AHCTF1: variants seen among roughly 807,000 people sequenced by gnomAD.
The protein encoded by AHCTF1 is protein ELYS.
Under a neutral mutation model 248.4 loss-of-function variants are expected in AHCTF1, and 24 were observed. That is an observed-to-expected ratio of 0.10 (90% confidence interval 0.07 to 0.14). AHCTF1 has a LOEUF of 0.14. Among genes scored for constraint, AHCTF1 ranks in the 10% least tolerant of loss-of-function variants. The pLI, the probability that AHCTF1 is intolerant of heterozygous loss-of-function variation, is 1.00. For missense variants in AHCTF1, 2,206 were observed against 2,636.2 expected (o/e 0.84, Z 3.57); for synonymous variants, 786 against 929.8 (o/e 0.85, Z 2.81).
At chr1:246,929,915 G>A (rs1214044642) in intron 1 of AHCTF1, among the ~76,000 whole-genome samples, 1 of 152,174 alleles carries the variant, frequency 6.6e-6, no homozygotes, top group East Asian at 1.9e-4. Flanking sequence ...AGCCGGGTGT[G>A]GTGGCGTGCG....
At chr1:246,859,315 C>A (rs1168256408) in intron 29 of AHCTF1, among the ~76,000 whole-genome samples, 1 of 152,046 alleles carries the variant, frequency 6.6e-6, no homozygotes, top group African/African-American at 2.4e-5. Context: ...AAGAAACATA[C>A]AAATAGGTTC....
In AHCTF1 at chr1:246,905,602, C is replaced by T; in HGVS notation, c.820G>A (p.Glu274Lys). Residue 274 changes from glutamate (E) to lysine (K), a missense_variant, in exon 6 of 36, where the codon GAA (glutamate) becomes AAA (lysine). By Grantham distance (56) the Glu-to-Lys change is moderately conservative (BLOSUM62 1). Coordinates refer to ENST00000648844, the MANE Select transcript of AHCTF1 (RefSeq NM_001323342.2). ...QVPVYAVTFQ[E>K]PENDPRNCCY... ...CAATTCCGAGGATCATTCTCAGGTT[C>T]TTGAAAAGTGACAGCATATACAGGA... The T allele has an allele frequency of 6.2e-7, 1 of 1,612,736 alleles. No individual in the cohort carries two copies.
intron 31 of AHCTF1, among the ~76,000 whole-genome samples, chr1:246,854,439 T>C (rs1660956682): frequency 6.6e-6 from 1 of 151,794 alleles, no homozygotes; most frequent in Non-Finnish European, 1.5e-5. Flanking sequence ...AACCCCAAAA[T>C]GGTGATTGGC....
intron 11 of AHCTF1, among the ~76,000 whole-genome samples, chr1:246,898,621 A>AACACACACACACACAC (rs74163703): frequency 1.4e-4 from 20 of 147,090 alleles, no homozygotes; most frequent in African/African-American, 4.5e-4. Context: ...ATCTTGACAA[A>AACACACACACACACAC]ACACACACAC....
intron 32 of AHCTF1, 72 bp from the exon 33 acceptor site, chr1:246,851,514 T>C (rs1660718709): frequency 7.4e-7 from 1 of 1,348,436 alleles, no homozygotes; most frequent in East Asian, 2.5e-5. Flanking sequence ...ACACAGGTTT[T>C]TGATGACCCT....
chr1:246,855,764 G>T lies in AHCTF1; in HGVS notation c.4320C>A (p.Thr1440=), dbSNP rs138747278. 1.8e-4 allele frequency: 290 copies of T among 1,613,310 alleles called. 1 individual carries two copies. The East Asian group carries it at 5.4e-3, about 30-fold the overall frequency. The change falls in exon 31 of 36, where the codon ACC becomes ACA. Residue 1440 remains threonine (T), a synonymous_variant. Transcript: ENST00000648844. ...CATTTGCTCTAATTGCAGGGGTGTA[G>T]GTTTCAACAGATGTTAATCCTTCGT... ...VLDEGLTSVE[T]YTPAIRANDN...
At chr1:246,863,865 T>A in intron 27 of AHCTF1, 59 bp downstream of exon 27, 1 of 1,535,646 alleles carries the variant, frequency 6.5e-7, no homozygotes, top group Middle Eastern at 1.7e-4. Context: ...TTCTCCTTGC[T>A]ACTTGAAAAG....
At chr1:246,892,540 C>T (rs1647672512) in intron 14 of AHCTF1, among the ~76,000 whole-genome samples, 1 of 151,914 alleles carries the variant, frequency 6.6e-6, no homozygotes, top group Non-Finnish European at 1.5e-5. Context: ...AGGCTGGCCT[C>T]GAACTCCTGA....
At chr1:246,896,095 T>TG (rs1406630279) in intron 12 of AHCTF1, among the ~76,000 whole-genome samples, 170 bp from the exon 13 acceptor site, 1 of 152,196 alleles carries the variant, frequency 6.6e-6, no homozygotes, top group African/African-American at 2.4e-5. Flanking sequence ...GTGTTAAAAC[T>TG]GGAACTCTCA....
intron 4 of AHCTF1, 138 bp from the exon 5 acceptor site, chr1:246,907,896 CAAAA>C (rs772645512): frequency 2.8e-6 from 2 of 722,458 alleles, no homozygotes; most frequent in East Asian, 5.6e-5. Flanking sequence ...TTAGTGATAA[CAAAA>C]AAGTATGTTA....
chr1:246,931,070 G>T, intron 1 of AHCTF1: 1 of 1,538,894 alleles, frequency 6.5e-7, no homozygotes, highest in Non-Finnish European at 8.8e-7. Flanking sequence ...CCAATCGGGT[G>T]AGCTGGAACC....
intron 2 of AHCTF1, 123 bp from the exon 3 acceptor site, chr1:246,916,518 G>C: frequency 1.1e-6 from 1 of 879,528 alleles, no homozygotes; most frequent in South Asian, 1.8e-5. Flanking sequence ...TCTCCACATT[G>C]AAATCTTTTA....
chr1:246,868,884 A>G lies in AHCTF1; in HGVS notation c.3089-1073T>C, dbSNP rs548036734. Among the ~76,000 whole-genome samples the G allele has an allele frequency of 3.7e-3, 515 of 140,512 alleles. 12 individuals are homozygous for G. The highest frequency in any genetic ancestry group is 0.016 in the Admixed American group (218 of 13,404). 92.2% of individuals were successfully genotyped at this position (140,512 alleles called of 152,430 possible). ...TTTTGAGATGGAGTCTCGCTCTGTC[A>G]CCCAGGTTGGAGTGCAGTGGTGTGA... On this transcript the variant is annotated intron_variant, in intron 24 of 35. Transcript: ENST00000648844.
intron 35 of AHCTF1, among the ~76,000 whole-genome samples, chr1:246,841,273 G>A (rs1156326770): frequency 6.6e-6 from 1 of 152,078 alleles, no homozygotes; most frequent in Non-Finnish European, 1.5e-5. Context: ...TGTTTCAAAT[G>A]TATGAAAAAA....
intron 34 of AHCTF1, 98 bp downstream of exon 34, chr1:246,843,697 A>G (rs1255397876): frequency 1.0e-6 from 1 of 970,204 alleles, no homozygotes; most frequent in Non-Finnish European, 1.3e-6. Context: ...ACAAAATTTA[A>G]AATCATTAAA....
chr1:246,916,399 G>C lies in AHCTF1; in HGVS notation c.122-4C>G. The C allele has an allele frequency of 6.3e-7, 1 of 1,588,112 alleles. No homozygotes were observed. The highest frequency in any genetic ancestry group is 1.2e-5 in the South Asian group (1 of 86,346). ...AAGCAAGCAAGTCCATTTTTCCCTA[G>C]AAGAAAAAAAAATTGCCTATTTTAA... is the stretch of plus-strand genomic sequence containing the variant. On this transcript the variant is annotated splice_polypyrimidine_tract_variant and splice_region_variant and intron_variant, in intron 2 of 35. Transcript: ENST00000648844.
chr1:246,922,274 T>C (rs995678907), intron 1 of AHCTF1, among the ~76,000 whole-genome samples: 6 of 152,158 alleles, frequency 3.9e-5, no homozygotes. Flanking sequence ...AAAGGAGAAT[T>C]GCTTGAACCC....
At chr1:246,927,185 A>G (rs1666993783) in intron 1 of AHCTF1, among the ~76,000 whole-genome samples, 1 of 151,464 alleles carries the variant, frequency 6.6e-6, no homozygotes, top group East Asian at 2.0e-4. Context: ...CTCAAAAAAA[A>G]AAAAAGAAAG....
At chr1:246,899,622 G>C in intron 10 of AHCTF1, 110 bp from the exon 11 acceptor site, 1 of 687,912 alleles carries the variant, frequency 1.5e-6, no homozygotes, top group South Asian at 2.3e-5. Context: ...ATTATTACAT[G>C]TAATAAATCT....
Sources: gnomAD v4.1 joint callset for allele counts (sites outside exome capture counted in the v4.1 genomes callset) on GRCh38, gnomAD v4.1.1 for gene constraint, MANE v1.5 for transcripts, NCBI Gene and HGNC (gene_info 2026-07-23, HGNC 2026-07-21) for gene names.